Variants in SLC26A8 observed in about 807,000 individuals in gnomAD.
SLC26A8 encodes the protein solute carrier family 26 member 8.
Under a neutral mutation model 105.0 loss-of-function variants are expected in SLC26A8, and 70 were observed. The observed-to-expected ratio is 0.67, with a 90% CI of 0.55 to 0.81. The LOEUF (loss-of-function observed/expected upper bound fraction) is 0.81. SLC26A8 is among the 40% of genes least tolerant of loss of function. The probability of loss-of-function intolerance (pLI) is 0.00; values close to 1 mark genes in which losing one functional copy is unlikely to be tolerated. For synonymous variants in SLC26A8, 415 were observed against 438.3 expected (o/e 0.95, Z 0.66); for missense variants, 998 against 1,181.8 (o/e 0.84, Z 2.28).
chr6:35,975,612 A>T, intron 9 of SLC26A8, 124 bp from the exon 10 acceptor site: 1 of 593,756 alleles, frequency 1.7e-6, no homozygotes, highest in Non-Finnish European at 3.0e-6. Flanking sequence ...TTGAAATAAC[A>T]GATTGAAATA....
At chr6:35,947,165 G>T (rs1017695549) in intron 19 of SLC26A8, among the ~76,000 whole-genome samples, 1 of 151,998 alleles carries the variant, frequency 6.6e-6, no homozygotes, top group Admixed American at 6.6e-5. Context: ...AGTAGCTGGG[G>T]TTATAGGCAC....
intron 2 of SLC26A8, 51 bp downstream of exon 2, chr6:36,019,469 G>C: frequency 6.4e-7 from 1 of 1,562,322 alleles, no homozygotes; most frequent in Non-Finnish European, 8.7e-7. Flanking sequence ...AGTCAGGTTA[G>C]GTTTCAGTCC....
intron 7 of SLC26A8, among the ~76,000 whole-genome samples, chr6:35,985,733 T>C (rs1773491462): frequency 6.9e-6 from 1 of 144,258 alleles, no homozygotes; most frequent in Non-Finnish European, 1.5e-5. Flanking sequence ...AGGGCTGCTG[T>C]CTGTTCATGG....
At position 35,968,607 on chromosome 6, in the gene SLC26A8, GTGTATATATATATATATATATATATA is replaced by G. The variant is rs1372898361; in HGVS notation, c.1365+244_1365+269del. Among the ~76,000 whole-genome samples, 37 of 47,038 alleles carry G rather than the reference GTGTATATATATATATATATATATATA, an allele frequency of 7.9e-4. 1 individual carries two copies. The East Asian group carries it at 9.2e-3, about 12-fold the overall frequency. 30.9% of individuals were successfully genotyped at this position (47,038 alleles called of 152,430 possible). ...TGTGTGTATGTGTGTGTGTGTGTGT[GTGTATATATATATATATATATATATA>G]TATATATATATATATATATATCTCA... On this transcript the variant is annotated intron_variant, in intron 11 of 19. Transcript: ENST00000490799.
intron 11 of SLC26A8, among the ~76,000 whole-genome samples, chr6:35,965,931 A>C (rs1425977184): frequency 2.0e-5 from 3 of 150,512 alleles, no homozygotes; most frequent in South Asian, 4.2e-4. Context: ...GCAGAGGTTG[A>C]AGTGAGCTGA....
rs149926650 is a variant in SLC26A8 at position 36,019,465 on chromosome 6, G to A, written c.188+55C>T. The A allele has an allele frequency of 1.4e-4, 213 of 1,548,276 alleles. No individual in the cohort carries two copies. The African/African-American group carries it at 2.3e-3, about 17-fold the overall frequency. On this transcript the variant is annotated intron_variant, in intron 2 of 19. Coordinates refer to ENST00000490799, the MANE Select transcript of SLC26A8 (RefSeq NM_052961.4). ...GAGAAACGGACCCCAAAGGAGTCAG[G>A]TTAGGTTTCAGTCCTGCCCGGCTCG...
chr6:36,011,623 T>C (rs896757411), intron 3 of SLC26A8, among the ~76,000 whole-genome samples: 8 of 152,154 alleles, frequency 5.3e-5, no homozygotes, highest in African/African-American at 1.7e-4. Context: ...TTTTTTCTTT[T>C]CTGAGACAGG....
chr6:36,003,215 C>T (rs1761577026), intron 3 of SLC26A8, among the ~76,000 whole-genome samples: 1 of 152,098 alleles, frequency 6.6e-6, no homozygotes, highest in Non-Finnish European at 1.5e-5. Flanking sequence ...CTTTAATCAA[C>T]CAGGAATAGA....
At chr6:35,963,794 C>G (rs934746601) in intron 11 of SLC26A8, among the ~76,000 whole-genome samples, 1 of 152,220 alleles carries the variant, frequency 6.6e-6, no homozygotes, top group Non-Finnish European at 1.5e-5. Context: ...ATTAAGAGAA[C>G]TTACACTCAC....
chr6:35,982,851 G>A (rs1773333762), intron 7 of SLC26A8, among the ~76,000 whole-genome samples: 1 of 152,118 alleles, frequency 6.6e-6, no homozygotes, highest in Non-Finnish European at 1.5e-5. Context: ...CAAAGAAAAA[G>A]TTCTGTAGCA....
intron 11 of SLC26A8, among the ~76,000 whole-genome samples, chr6:35,964,918 G>T (rs548946609): frequency 5.3e-5 from 8 of 149,868 alleles, no homozygotes; most frequent in African/African-American, 2.0e-4. Context: ...AGTGAGCCGA[G>T]ATTGGGCCAC....
At chr6:35,948,933 G>A (rs926618242) in intron 19 of SLC26A8, among the ~76,000 whole-genome samples, 1 of 152,194 alleles carries the variant, frequency 6.6e-6, no homozygotes, top group African/African-American at 2.4e-5. Flanking sequence ...TCTGCCATGT[G>A]GGGATGCTGC....
At chr6:36,004,074 C>CT (rs1184419646) in intron 3 of SLC26A8, among the ~76,000 whole-genome samples, 7,437 of 114,400 alleles carry the variant, frequency 0.065, 489 homozygotes, top group African/African-American at 0.14. Flanking sequence ...TTTATTTCTG[C>CT]TTTTTTTTTT....
At chr6:35,976,001 C>T (rs1270519630) in intron 9 of SLC26A8, among the ~76,000 whole-genome samples, 1 of 151,438 alleles carries the variant, frequency 6.6e-6, no homozygotes, top group Non-Finnish European at 1.5e-5. Flanking sequence ...AGCTAGTCAT[C>T]ACAAGGAAAG....
chr6:36,005,628 G>C (rs1761664750), intron 3 of SLC26A8, among the ~76,000 whole-genome samples: 1 of 152,158 alleles, frequency 6.6e-6, no homozygotes, highest in Admixed American at 6.5e-5. Flanking sequence ...CAGGATTCAT[G>C]ATATCCATAT....
At chr6:36,016,974 C>T (rs941477371) in intron 2 of SLC26A8, among the ~76,000 whole-genome samples, 8 of 152,002 alleles carry the variant, frequency 5.3e-5, no homozygotes, top group Admixed American at 5.2e-4. Context: ...GAATTTGAGA[C>T]CAGCCTGACC....
intron 17 of SLC26A8, 177 bp downstream of exon 17, chr6:35,954,975 A>C: frequency 1.4e-6 from 1 of 733,192 alleles, no homozygotes; most frequent in South Asian, 1.8e-5. Flanking sequence ...GAATTGGTTC[A>C]TTCTCTTTTT....
At chr6:35,968,431 C>G (rs1383277517) in intron 11 of SLC26A8, among the ~76,000 whole-genome samples, 1 of 151,468 alleles carries the variant, frequency 6.6e-6, no homozygotes, top group Admixed American at 6.6e-5. Flanking sequence ...AGGCGGTGCC[C>G]TGTATCCCAG....
intron 19 of SLC26A8, among the ~76,000 whole-genome samples, chr6:35,946,646 A>T (rs1307977146): frequency 6.6e-6 from 1 of 152,232 alleles, no homozygotes; most frequent in East Asian, 1.9e-4. Flanking sequence ...TAATATAAGA[A>T]TGTTAGTACG....
Sources: allele counts gnomAD v4.1 joint callset (sites outside exome capture counted in the v4.1 genomes callset), GRCh38; gene constraint gnomAD v4.1.1; transcripts MANE v1.5; gene names NCBI Gene and HGNC (gene_info 2026-07-23, HGNC 2026-07-21).